Variants in TLN2 observed in about 807,000 individuals in gnomAD.
TLN2 encodes talin-2.
TLN2 carries 118 observed loss-of-function variants against 294.7 expected under a neutral mutation model. That is an observed-to-expected ratio of 0.40 (90% CI 0.34 to 0.47). The LOEUF (loss-of-function observed/expected upper bound fraction) is 0.47. Ranked by LOEUF, TLN2 falls within the 20% of genes least tolerant of loss-of-function variation. The pLI is 0.84. For synonymous variants in TLN2, 1,431 were observed against 1,304.5 expected, an observed-to-expected ratio of 1.10 and a Z score of -2.09; for missense variants, 3,083 against 3,282.2, an observed-to-expected ratio of 0.94 and a Z score of 1.48.
chr15:62,762,014 A>G (rs2062709930), intron 38 of TLN2, among the ~76,000 whole-genome samples, 193 bp downstream of exon 38: 1 of 152,236 alleles, frequency 6.6e-6, no homozygotes, highest in Non-Finnish European at 1.5e-5. Context: ...ACATATATGT[A>G]GAGAACAATC....
intron 44 of TLN2, among the ~76,000 whole-genome samples, chr15:62,781,798 A>G (rs1043639478): frequency 1.3e-5 from 2 of 152,102 alleles, no homozygotes; most frequent in Non-Finnish European, 2.9e-5. Flanking sequence ...TTTGGAGGTA[A>G]TGTTTTGGTT....
intron 1 of TLN2, among the ~76,000 whole-genome samples, chr15:62,583,345 A>G (rs1311583412): frequency 1.3e-5 from 2 of 152,198 alleles, no homozygotes; most frequent in Non-Finnish European, 2.9e-5. Context: ...ACTAATTGAA[A>G]TTCCTAGGCA....
In TLN2 at chr15:62,839,031, G is replaced by A. The variant is rs774474535; in HGVS notation, c.7500+50G>A. 4.5e-6 allele frequency: 7 copies of A among 1,570,704 alleles called. 1 individual carries two copies. The South Asian group carries it at 5.7e-5, about 13-fold the overall frequency. On this transcript the variant is annotated intron_variant, in intron 58 of 58. Coordinates refer to ENST00000636159, the MANE Select transcript of TLN2 (RefSeq NM_015059.3). ...ATTTACTTCCCGAGAGAGGTGTTGG[G>A]TTATAACAGAGACAAAAGAATAGTG...
chr15:62,477,229 G>C (rs908548835), intron 1 of TLN2, among the ~76,000 whole-genome samples: 15 of 152,210 alleles, frequency 9.9e-5, no homozygotes, highest in African/African-American at 3.6e-4. Flanking sequence ...TCCTAACTCA[G>C]TAGGTCTGGG....
intron 22 of TLN2, among the ~76,000 whole-genome samples, chr15:62,715,525 A>G (rs1338533621): frequency 6.6e-6 from 1 of 152,184 alleles, no homozygotes; most frequent in Non-Finnish European, 1.5e-5. Flanking sequence ...CTTTCTCTAC[A>G]TTACCATTAG....
intron 2 of TLN2, among the ~76,000 whole-genome samples, chr15:62,605,831 A>G (rs749775681): frequency 1.1e-4 from 17 of 152,192 alleles, no homozygotes; most frequent in Middle Eastern, 3.2e-3. Context: ...AGCCTCCCCA[A>G]GCTGCAAGCG....
chr15:62,735,488 A>C (rs1257493491), intron 28 of TLN2, among the ~76,000 whole-genome samples: 3 of 152,230 alleles, frequency 2.0e-5, no homozygotes, highest in African/African-American at 4.8e-5. Context: ...AAAGATGCTC[A>C]ACATCATTAC....
intron 1 of TLN2, among the ~76,000 whole-genome samples, chr15:62,407,575 A>T (rs531089539): frequency 2.6e-5 from 4 of 152,114 alleles, no homozygotes; most frequent in Admixed American, 1.3e-4. Flanking sequence ...TTTTCATTTG[A>T]TTTTTGTTAG....
chr15:62,745,688 G>A (rs2140982197), intron 32 of TLN2, among the ~76,000 whole-genome samples: 1 of 152,280 alleles, frequency 6.6e-6, no homozygotes, highest in Admixed American at 6.5e-5. Flanking sequence ...CTTGAGGGCT[G>A]TATATTTATT....
chr15:62,517,979 G>A (rs1002653441), intron 1 of TLN2, among the ~76,000 whole-genome samples: 26 of 152,038 alleles, frequency 1.7e-4, no homozygotes, highest in South Asian at 6.2e-4. Context: ...TGTGTGGAAC[G>A]AGAGTAAAGC....
chr15:62,693,221 AC>A (rs754942349), intron 13 of TLN2, among the ~76,000 whole-genome samples: 16 of 152,090 alleles, frequency 1.1e-4, no homozygotes, highest in Non-Finnish European at 1.6e-4. Flanking sequence ...AGTCCCAGTT[AC>A]TCGGGAGGTG....
At chr15:62,423,907 C>T (rs2034556938) in intron 1 of TLN2, among the ~76,000 whole-genome samples, 1 of 152,142 alleles carries the variant, frequency 6.6e-6, no homozygotes, top group African/African-American at 2.4e-5. Flanking sequence ...ACATCAAATT[C>T]AGGGCTTTAA....
intron 45 of TLN2, among the ~76,000 whole-genome samples, chr15:62,790,996 G>A (rs2065034457): frequency 6.6e-6 from 1 of 152,208 alleles, no homozygotes; most frequent in Non-Finnish European, 1.5e-5. Context: ...AGCACCCTGT[G>A]TACGAAGGTG....
At chr15:62,420,026 C>T (rs1489774422) in intron 1 of TLN2, among the ~76,000 whole-genome samples, 1 of 152,152 alleles carries the variant, frequency 6.6e-6, no homozygotes, top group East Asian at 1.9e-4. Flanking sequence ...CCCTGTTGAT[C>T]CCACTTTGCT....
chr15:62,441,696 T>C (rs1240662947), intron 1 of TLN2, among the ~76,000 whole-genome samples: 1 of 152,190 alleles, frequency 6.6e-6, no homozygotes, highest in African/African-American at 2.4e-5. Context: ...CCCACAAGAT[T>C]GCCCACTTCA....
intron 3 of TLN2, among the ~76,000 whole-genome samples, chr15:62,623,224 A>T (rs2048986520): frequency 6.6e-6 from 1 of 152,220 alleles, no homozygotes; most frequent in African/African-American, 2.4e-5. Context: ...GCACATCCTA[A>T]ACCAAGTGTG....
At chr15:62,539,015 G>C (rs17738685) in intron 1 of TLN2, among the ~76,000 whole-genome samples, 10,575 of 152,242 alleles carry the variant, frequency 0.069, 474 homozygotes, top group Non-Finnish European at 0.1. Context: ...AGGAGATTCA[G>C]TTGTGATTTG....
chr15:62,697,227 C>T (rs1170138070), intron 14 of TLN2, among the ~76,000 whole-genome samples: 1 of 152,098 alleles, frequency 6.6e-6, no homozygotes, highest in African/African-American at 2.4e-5. Context: ...CTCACCTCAT[C>T]CTCTTGAATA....
chr15:62,567,401 C>T (rs184331799), intron 1 of TLN2, among the ~76,000 whole-genome samples: 1 of 152,320 alleles, frequency 6.6e-6, no homozygotes, highest in Non-Finnish European at 1.5e-5. Context: ...TAAAAGATTG[C>T]ACTGACCGAA....
Sources: gnomAD v4.1 joint callset for allele counts (sites outside exome capture counted in the v4.1 genomes callset) on GRCh38, gnomAD v4.1.1 for gene constraint, MANE v1.5 for transcripts, NCBI Gene and HGNC (gene_info 2026-07-23, HGNC 2026-07-21) for gene names.